The following PALLD variants were observed in gnomAD, a reference collection of about 807,000 sequenced individuals.
PALLD encodes the protein palladin.
A neutral mutation model predicts 123.5 loss-of-function variants in PALLD; 61 were observed. That is an observed-to-expected ratio of 0.49 (90% CI 0.40 to 0.61). The LOEUF (loss-of-function observed/expected upper bound fraction) is 0.61, where lower values mean the gene tolerates loss of function less well. PALLD is among the 20% of genes least tolerant of loss of function. The pLI is 0.00. For missense variants in PALLD, 1,273 were observed against 1,377.0 expected (o/e 0.92, Z 1.20); for synonymous variants, 465 against 496.4 (o/e 0.94, Z 0.84).
At chr4:168,570,401 A>G (rs561243361) in intron 2 of PALLD, among the ~76,000 whole-genome samples, 24 of 152,194 alleles carry the variant, frequency 1.6e-4, no homozygotes, top group South Asian at 1.0e-3. Flanking sequence ...ACTTGGCCAC[A>G]TGGTATTTTT....
At position 168,906,594 on chromosome 4, in the gene PALLD, T is replaced by TTA. The variant is rs1187661296; in HGVS notation, c.2622+2691_2622+2692dup. ...CATTGTACCCCACAAATATATACAA[T>TTA]TATAATTTATCAATTAGAATAAAAA... is the stretch of plus-strand genomic sequence containing the variant. On this transcript the variant is annotated intron_variant, in intron 15 of 21. Transcript: ENST00000505667. Among the ~76,000 whole-genome samples, 12 of 151,330 alleles carry TTA rather than the reference T, an allele frequency of 7.9e-5. 1 individual carries two copies. The highest frequency in any genetic ancestry group is 2.9e-4 in the African/African-American group (12 of 41,364).
intron 3 of PALLD, among the ~76,000 whole-genome samples, chr4:168,678,306 T>C (rs1476625001): frequency 6.6e-6 from 1 of 152,084 alleles, no homozygotes; most frequent in East Asian, 1.9e-4. Flanking sequence ...GATGATTAAA[T>C]GAGGTAAAGT....
chr4:168,921,523 T>C lies in PALLD; in HGVS notation c.2851-11T>C. On this transcript the variant is annotated splice_polypyrimidine_tract_variant and intron_variant, in intron 17 of 21. Coordinates refer to ENST00000505667, the MANE Select transcript of PALLD (RefSeq NM_001166108.2). ...ATACAAAAATTTACATGTATTTCTTTTATGATTTAGGTCAGTGGGTTACCA... is the reference window on the plus strand; with the variant it reads ...ATACAAAAATTTACATGTATTTCTTCTATGATTTAGGTCAGTGGGTTACCA... 6.4e-7 allele frequency: 1 copy of C among 1,567,950 alleles called. No homozygotes were observed. The highest frequency in any genetic ancestry group is 8.7e-7 in the Non-Finnish European group (1 of 1,151,790).
intron 6 of PALLD, among the ~76,000 whole-genome samples, chr4:168,687,304 A>G (rs1320619141): frequency 6.6e-6 from 1 of 152,222 alleles, no homozygotes; most frequent in Non-Finnish European, 1.5e-5. Context: ...CCTCCTAGCT[A>G]GACTACTAAA....
chr4:168,865,725 A>G (rs1750169744), intron 10 of PALLD, among the ~76,000 whole-genome samples: 1 of 152,232 alleles, frequency 6.6e-6, no homozygotes, highest in Non-Finnish European at 1.5e-5. Context: ...CAGATGAGTA[A>G]TATTAGTGAT....
chr4:168,826,067 A>G (rs1004654160), intron 10 of PALLD, among the ~76,000 whole-genome samples: 1 of 152,218 alleles, frequency 6.6e-6, no homozygotes, highest in African/African-American at 2.4e-5. Flanking sequence ...GTATTTCACC[A>G]CTTATTCAGG....
intron 2 of PALLD, among the ~76,000 whole-genome samples, chr4:168,533,882 G>A (rs77294743): frequency 0.018 from 2,736 of 152,260 alleles, 82 homozygotes; most frequent in South Asian, 0.14. Context: ...AAAAGGAGAA[G>A]GATTTGCCAC....
At chr4:168,668,984 T>C (rs1026206577) in intron 3 of PALLD, among the ~76,000 whole-genome samples, 4 of 152,214 alleles carry the variant, frequency 2.6e-5, no homozygotes, top group Admixed American at 2.6e-4. Flanking sequence ...AAGTATTATA[T>C]TTTACATTTT....
chr4:168,812,782 A>G (rs1163595806), intron 10 of PALLD, among the ~76,000 whole-genome samples: 1 of 152,214 alleles, frequency 6.6e-6, no homozygotes, highest in Non-Finnish European at 1.5e-5. Flanking sequence ...GTGAAGTTTT[A>G]TAATGAAGAG....
intron 15 of PALLD, among the ~76,000 whole-genome samples, chr4:168,913,428 T>C (rs1331413749): frequency 2.6e-5 from 4 of 152,254 alleles, no homozygotes; most frequent in African/African-American, 7.2e-5. Context: ...TGAGCCATCG[T>C]GCCCGGCCAG....
intron 10 of PALLD, among the ~76,000 whole-genome samples, chr4:168,840,599 T>C (rs1203983658): frequency 1.3e-5 from 2 of 152,216 alleles, no homozygotes; most frequent in African/African-American, 4.8e-5. Flanking sequence ...GATCAACTTC[T>C]TTGACTCAGG....
intron 10 of PALLD, among the ~76,000 whole-genome samples, chr4:168,720,732 A>C (rs17542402): frequency 0.22 from 33,871 of 152,188 alleles, 4,479 homozygotes; most frequent in Non-Finnish European, 0.29. Flanking sequence ...AGAGAAAGGC[A>C]TATCCTATAA....
Position 168,903,822 on chromosome 4 carries a change from T to A in PALLD, c.2538T>A (p.Asp846Glu), listed in dbSNP as rs1757059156. 1.2e-6 allele frequency: 2 copies of A among 1,612,768 alleles called. No homozygotes were observed. Among genetic ancestry groups the A allele is most frequent in the Non-Finnish European group, 1.7e-6 (2 of 1,178,828 alleles). ...GTGATCACTACACCATTCAAAGAGA[T>A]CTCGATGGGACCTGCTCCCTCCATA... ...PKSDHYTIQRDLDGTCSLHTT... is the reference protein window; with the variant it reads ...PKSDHYTIQRELDGTCSLHTT... Residue 846 changes from aspartate (D) to glutamate (E), a missense_variant, in exon 15 of 22, where the codon GAT (aspartate) becomes GAA (glutamate). Physicochemically the swap from Asp to Glu is conservative, Grantham distance 45. Transcript: ENST00000505667.
At chr4:168,619,997 A>T (rs1774599275) in intron 2 of PALLD, among the ~76,000 whole-genome samples, 1 of 151,664 alleles carries the variant, frequency 6.6e-6, no homozygotes, top group Non-Finnish European at 1.5e-5. Context: ...CTGACTCACA[A>T]TGTAAATGTT....
At chr4:168,796,397 G>A (rs1448026688) in intron 10 of PALLD, among the ~76,000 whole-genome samples, 1 of 152,194 alleles carries the variant, frequency 6.6e-6, no homozygotes, top group African/African-American at 2.4e-5. Context: ...CTGCTGGCGG[G>A]TGTCTGACAT....
At chr4:168,907,968 A>G (rs1438490274) in intron 15 of PALLD, among the ~76,000 whole-genome samples, 1 of 152,188 alleles carries the variant, frequency 6.6e-6, no homozygotes, top group Non-Finnish European at 1.5e-5. Context: ...GGGTAGGGCT[A>G]AGAGTCTTCT....
At chr4:168,908,612 T>G (rs942051853) in intron 15 of PALLD, among the ~76,000 whole-genome samples, 2 of 152,188 alleles carry the variant, frequency 1.3e-5, no homozygotes, top group Admixed American at 6.5e-5. Flanking sequence ...TTTAGTTACC[T>G]TAAATTTTGA....
chr4:168,790,159 T>C (rs946155348), intron 10 of PALLD, among the ~76,000 whole-genome samples: 1 of 136,612 alleles, frequency 7.3e-6, no homozygotes, highest in Non-Finnish European at 1.6e-5. Flanking sequence ...TTGTGGTTTC[T>C]TTTTTTTTTT....
chr4:168,618,650 A>T (rs1456988706), intron 2 of PALLD, among the ~76,000 whole-genome samples: 1 of 152,248 alleles, frequency 6.6e-6, no homozygotes, highest in African/African-American at 2.4e-5. Flanking sequence ...ACTTTCAAGT[A>T]GGTTGGCTGT....
Sources: gnomAD v4.1 joint callset for allele counts (sites outside exome capture counted in the v4.1 genomes callset) on GRCh38, gnomAD v4.1.1 for gene constraint, MANE v1.5 for transcripts, NCBI Gene and HGNC (gene_info 2026-07-23, HGNC 2026-07-21) for gene names.